ABHD2: variants seen among roughly 807,000 people sequenced by gnomAD.
ABHD2 encodes the protein abhydrolase domain containing 2, acylglycerol lipase.
A neutral mutation model predicts 48.1 loss-of-function variants in ABHD2; 20 were observed. The observed-to-expected ratio is 0.42, with a 90% CI of 0.29 to 0.60. The LOEUF is 0.60. Ranked by LOEUF, ABHD2 falls within the 20% of genes least tolerant of loss-of-function variation. The pLI is 0.24. For synonymous variants in ABHD2, 209 were observed against 214.2 expected (o/e 0.98, Z 0.21); for missense variants, 405 against 550.9 (o/e 0.74, Z 2.65).
rs956394507 is a variant in ABHD2 at position 89,179,359 on chromosome 15, A to T, written c.722+3364A>T. Among the ~76,000 whole-genome samples, 19 of 152,318 alleles carry T rather than the reference A, an allele frequency of 1.2e-4. 2 individuals are homozygous for T. The highest frequency in any genetic ancestry group is 1.1e-3 in the Admixed American group (17 of 15,304). ...TTTAGTCTCATTCCCCATTGATCAC[A>T]TTACTGCCTGAGTTCCGCCTCCTGT... On this transcript the variant is annotated intron_variant, in intron 6 of 10. Coordinates refer to ENST00000352732, the MANE Select transcript of ABHD2 (RefSeq NM_152924.5). The surrounding 1 kb of genome is among the most constrained non-coding windows in gnomAD (Gnocchi z 4.3).
At chr15:89,183,714 T>C (rs1420929546) in intron 6 of ABHD2, among the ~76,000 whole-genome samples, 2 of 152,016 alleles carry the variant, frequency 1.3e-5, no homozygotes, top group Non-Finnish European at 2.9e-5. Context: ...TTTTTATATC[T>C]TGTTTATGGC....
In ABHD2 at chr15:89,182,338, C is replaced by G. The variant is rs2051127773; in HGVS notation, c.723-3086C>G. 6.6e-6 allele frequency among the ~76,000 whole-genome samples: 1 copy of G among 152,206 alleles called. No individual in the cohort carries two copies. Among genetic ancestry groups the G allele is most frequent in the Non-Finnish European group, 1.5e-5 (1 of 68,026 alleles). On this transcript the variant is annotated intron_variant, in intron 6 of 10. Transcript: ENST00000352732. This position sits in a 1 kb window ranked among gnomAD's most constrained non-coding sequence, Gnocchi z 4.8. ...GCAAAGCCATTCCCTCCCTGTAATT[C>G]TGCCCGAGCTGCCCCTCCCAGGGTT...
chr15:89,049,778 C>T, the ABHD2 span, among the ~76,000 whole-genome samples: 21 of 152,334 alleles, frequency 1.4e-4, no homozygotes, highest in East Asian at 1.2e-3. Flanking sequence ...CACTGACCTG[C>T]GCCCACTGTC....
intron 5 of ABHD2, among the ~76,000 whole-genome samples, chr15:89,161,142 G>A (rs1193634555): frequency 1.3e-5 from 2 of 152,108 alleles, no homozygotes; most frequent in South Asian, 2.1e-4. Flanking sequence ...TTAGCTCTCC[G>A]GGAGTCTAAG....
chr15:89,049,214 C>T, the ABHD2 span, among the ~76,000 whole-genome samples: 7 of 152,214 alleles, frequency 4.6e-5, no homozygotes, highest in African/African-American at 1.7e-4. Flanking sequence ...GGTCAGGCAT[C>T]AGGGACCCAC....
In ABHD2 at chr15:89,198,994, A is replaced by G. The variant is rs1470601179; in HGVS notation, c.*3571A>G. 6.6e-6 allele frequency: 1 copy of G among 152,222 alleles called. No individual in the cohort carries two copies. Among genetic ancestry groups the G allele is most frequent in the Non-Finnish European group, 1.5e-5 (1 of 68,102 alleles). The allele number at this position is 152,222 out of a possible 1,614,324, so 9.4% of individuals were successfully genotyped here. A position where few individuals can be genotyped will look rare whatever the true frequency, so the allele number is the denominator to read the frequency against. ...TGCTGGCCGCTGGAATGAGGAGCCT[A>G]TCTCCATCCTCCAGTGTGACTCAGG... On this transcript the variant is annotated 3_prime_UTR_variant, in exon 11 of 11. Transcript: ENST00000352732. The surrounding 1 kb of genome is among the most constrained non-coding windows in gnomAD (Gnocchi z 5.1).
chr15:89,064,238 T>TA, the ABHD2 span, among the ~76,000 whole-genome samples: 9 of 133,156 alleles, frequency 6.8e-5, no homozygotes, highest in Admixed American at 3.8e-4. Flanking sequence ...TTTTTTTTTT[T>TA]ACACGGAGTC....
At chr15:89,193,490 G>A (rs1286259139) in intron 10 of ABHD2, 171 bp downstream of exon 10, 1 of 625,638 alleles carries the variant, frequency 1.6e-6, no homozygotes, top group Non-Finnish European at 2.8e-6. Context: ...GCTGTGATGG[G>A]GCTTGGGCAT....
rs1207653365 is a variant in ABHD2 at position 89,164,671 on chromosome 15, G to A, written c.538+9137G>A. On this transcript the variant is annotated intron_variant, in intron 5 of 10. Transcript: ENST00000352732. This position sits in a 1 kb window ranked among gnomAD's most constrained non-coding sequence, Gnocchi z 5.0. ...GTGATGATACACACCTGTAATCTCA[G>A]CTACCTGGGAGGCAAAGGCAGGAGA... Among the ~76,000 whole-genome samples the A allele has an allele frequency of 6.6e-6, 1 of 151,922 alleles. No homozygotes were observed. The highest frequency in any genetic ancestry group is 1.5e-5 in the Non-Finnish European group (1 of 68,014).
intron 3 of ABHD2, among the ~76,000 whole-genome samples, chr15:89,139,973 G>A (rs2050376851): frequency 6.6e-6 from 1 of 152,194 alleles, no homozygotes; most frequent in Non-Finnish European, 1.5e-5. Flanking sequence ...GCAGGTCTCT[G>A]TAGCCCTGAT....
rs1056715406 is a variant in ABHD2, at chr15:89,176,930, A to G, written c.722+935A>G. On this transcript the variant is annotated intron_variant, in intron 6 of 10. Coordinates refer to ENST00000352732, the MANE Select transcript of ABHD2 (RefSeq NM_152924.5). The surrounding 1 kb of genome is among the most constrained non-coding windows in gnomAD (Gnocchi z 4.5). ...CTGTATATCTCATGCTGCAGTTTAA[A>G]CATACCTTGTTACTTTCTGATGGAT... Among the ~76,000 whole-genome samples the G allele has an allele frequency of 3.3e-5, 5 of 152,304 alleles. No homozygotes were observed. Among genetic ancestry groups the G allele is most frequent in the Non-Finnish European group, 7.4e-5 (5 of 68,026 alleles).
the ABHD2 span, among the ~76,000 whole-genome samples, chr15:89,074,335 C>T: frequency 6.6e-6 from 1 of 151,092 alleles, no homozygotes; most frequent in South Asian, 2.1e-4. Context: ...GAGATCATGA[C>T]ACTGCATCCA....
At chr15:89,046,226 C>T in the ABHD2 span, among the ~76,000 whole-genome samples, 1 of 152,164 alleles carries the variant, frequency 6.6e-6, no homozygotes, top group Non-Finnish European at 1.5e-5. Context: ...TTGAACCAGC[C>T]TTGCATCCCA....
At chr15:89,145,658 G>A (rs1434766239) in intron 3 of ABHD2, among the ~76,000 whole-genome samples, 1 of 152,158 alleles carries the variant, frequency 6.6e-6, no homozygotes, top group African/African-American at 2.4e-5. Context: ...ATTTCCCCTT[G>A]GGGAAGTTCT....
intron 3 of ABHD2, among the ~76,000 whole-genome samples, chr15:89,121,662 G>C (rs1472258374): frequency 6.6e-6 from 1 of 152,066 alleles, no homozygotes; most frequent in African/African-American, 2.4e-5. Context: ...TCCTCAAGCA[G>C]GCCAGCAGCC....
intron 5 of ABHD2, among the ~76,000 whole-genome samples, chr15:89,161,897 C>CA (rs2050767821): frequency 6.6e-6 from 1 of 152,162 alleles, no homozygotes; most frequent in African/African-American, 2.4e-5. Context: ...CTAGAAGTCC[C>CA]AGATCAGGGT....
chr15:89,086,235 C>T (rs1233819561), upstream of ABHD2, among the ~76,000 whole-genome samples: 4 of 152,130 alleles, frequency 2.6e-5, no homozygotes, highest in Non-Finnish European at 5.9e-5. Flanking sequence ...CCATGATGGC[C>T]AGGCTGGTCT....
chr15:89,142,180 C>T (rs2050413882), intron 3 of ABHD2, among the ~76,000 whole-genome samples: 1 of 152,138 alleles, frequency 6.6e-6, no homozygotes, highest in Non-Finnish European at 1.5e-5. Flanking sequence ...CCTCAGGATC[C>T]CTGTGGTAAA....
At chr15:89,073,580 CTG>C in the ABHD2 span, among the ~76,000 whole-genome samples, 1 of 151,848 alleles carries the variant, frequency 6.6e-6, no homozygotes, top group Non-Finnish European at 1.5e-5. Context: ...TACAGGGAAT[CTG>C]TAGTTTTCTT....
Sources: allele counts gnomAD v4.1 joint callset (sites outside exome capture counted in the v4.1 genomes callset), GRCh38; gene constraint gnomAD v4.1.1; non-coding constraint Gnocchi (gnomAD v3.1); transcripts MANE v1.5; gene names NCBI Gene and HGNC (gene_info 2026-07-23, HGNC 2026-07-21).